CDCA3: variants seen among roughly 807,000 people sequenced by gnomAD.
CDCA3 encodes cell division cycle associated 3.
CDCA3 carries 16 observed loss-of-function variants against 29.1 expected under a neutral mutation model. The ratio of observed to expected loss-of-function variants is 0.55; its 90% CI spans 0.37 to 0.83. The LOEUF (loss-of-function observed/expected upper bound fraction) is 0.83, where lower values mean the gene tolerates loss of function less well. CDCA3 is among the 40% of genes least tolerant of loss of function. CDCA3 has a pLI of 0.00. For missense variants in CDCA3, 291 were observed against 327.2 expected (o/e 0.89, Z 0.85); for synonymous variants, 88 against 124.5 (o/e 0.71, Z 1.95).
At chr12:6,846,877 C>T (rs1943715851), downstream of CDCA3, 8 of 1,591,158 alleles carry the variant, frequency 5.0e-6, no homozygotes, top group Non-Finnish European at 6.0e-6. Flanking sequence ...CCTGGGACAG[C>T]TTCCTCAAAA....
downstream of CDCA3, chr12:6,844,863 C>G (rs1458562889): frequency 6.6e-6 from 1 of 152,214 alleles, no homozygotes; most frequent in African/African-American, 2.4e-5. Context: ...TTCTTTACCC[C>G]TTAAGTACTT....
Position 6,850,004 on chromosome 12 carries a change from A to AT in CDCA3, c.251-147dup, listed in dbSNP as rs370710900. On this transcript the variant is annotated intron_variant, in intron 3 of 5. Coordinates refer to ENST00000538862, the MANE Select transcript of CDCA3 (RefSeq NM_031299.7). The surrounding 1 kb of genome is among the most constrained non-coding windows in gnomAD (Gnocchi z 4.7). Reference sequence around the variant, plus strand: ...AAGGAAATCAAGGTGAAAGGGAGCAATTTTTTTTTTTTTTGAGATGGGGCT... The same window carrying AT: ...AAGGAAATCAAGGTGAAAGGGAGCAATTTTTTTTTTTTTTTGAGATGGGGCT... 0.082 allele frequency: 41,911 copies of AT among 509,056 alleles called. 8 individuals are homozygous for AT. The highest frequency in any genetic ancestry group is 0.11 in the East Asian group (2,654 of 25,172). 31.5% of individuals were successfully genotyped at this position (509,056 alleles called of 1,614,324 possible). A position where few individuals can be genotyped will look rare whatever the true frequency, so the allele number is the denominator to read the frequency against.
At position 6,849,421 on chromosome 12, in the gene CDCA3, G is replaced by T. The variant is rs199554560; in HGVS notation, c.553C>A (p.Arg185Ser). The T allele has an allele frequency of 6.3e-7, 1 of 1,590,714 alleles. No homozygotes were observed. Among genetic ancestry groups the T allele is most frequent in the Non-Finnish European group, 8.6e-7 (1 of 1,168,264 alleles). Residue 185 changes from arginine to serine, a missense_variant, in exon 5 of 6, where the codon CGC becomes AGC. By Grantham distance (110) the Arg-to-Ser change is moderately radical. Transcript: ENST00000538862. The surrounding 1 kb of genome is among the most constrained non-coding windows in gnomAD (Gnocchi z 5.2). ...PETPRSSGSM[R>S]NRWKPNSSKV... ...CTGCTGTTTGGTTTCCATCTATTGCGCATAGAACCTGGGGTGGGTAAGGCG... is the reference window on the plus strand; with the variant it reads ...CTGCTGTTTGGTTTCCATCTATTGCTCATAGAACCTGGGGTGGGTAAGGCG...
At position 6,851,027 on chromosome 12, in the gene CDCA3, G is replaced by A. The variant is rs2138011878; in HGVS notation, c.-57-18C>T. On this transcript the variant is annotated intron_variant, in intron 1 of 5. Transcript: ENST00000538862. ...GGGAATGCCTGTGAGAAGTGACTCA[G>A]GTCTCAGCCCTTATCTCTTCCACGT... The A allele has an allele frequency of 1.3e-6, 2 of 1,534,284 alleles. No homozygotes were observed. Among genetic ancestry groups the A allele is most frequent in the South Asian group, 1.2e-5 (1 of 80,962 alleles).
Position 6,850,344 on chromosome 12 carries a change from G to T in CDCA3, c.250+123C>A. The T allele has an allele frequency of 1.6e-6, 2 of 1,261,530 alleles. No individual in the cohort carries two copies. The highest frequency in any genetic ancestry group is 2.2e-6 in the Non-Finnish European group (2 of 892,104). 78.1% of individuals were successfully genotyped at this position (1,261,530 alleles called of 1,614,324 possible). On this transcript the variant is annotated intron_variant, in intron 3 of 5. Transcript: ENST00000538862. The surrounding 1 kb of genome is among the most constrained non-coding windows in gnomAD (Gnocchi z 4.7). ...GGGAACAAAATATTGAGATAAGAGT[G>T]AGATGGGTCCGAAGCAGGAGGATAG...
At chr12:6,845,572 A>C (rs1591592105), downstream of CDCA3, 1 of 1,590,776 alleles carries the variant, frequency 6.3e-7, no homozygotes, top group Non-Finnish European at 8.6e-7. Context: ...CCCACTTGCC[A>C]CCCGTGCCCT....
At chr12:6,845,499 G>A, downstream of CDCA3, 1 of 866,520 alleles carries the variant, frequency 1.2e-6, no homozygotes, top group Non-Finnish European at 1.9e-6. Context: ...GGCTTGCCCT[G>A]GAGCTGTCAG....
At chr12:6,845,921 A>T, downstream of CDCA3, 1 of 707,486 alleles carries the variant, frequency 1.4e-6, no homozygotes, top group Non-Finnish European at 2.5e-6. Context: ...GTCCCTTGTC[A>T]CTGGGTGACT....
At position 6,850,281 on chromosome 12, in the gene CDCA3, G is replaced by C; in HGVS notation, c.250+186C>G. 4.0e-6 allele frequency: 3 copies of C among 748,864 alleles called. No individual in the cohort carries two copies. Among genetic ancestry groups the C allele is most frequent in the East Asian group, 2.7e-5 (1 of 36,716 alleles). 46.4% of individuals were successfully genotyped at this position (748,864 alleles called of 1,614,324 possible). On this transcript the variant is annotated intron_variant, in intron 3 of 5. Transcript: ENST00000538862. This position sits in a 1 kb window ranked among gnomAD's most constrained non-coding sequence, Gnocchi z 4.7. ...GATCTGACCACCCCGGCCTTCCAAC[G>C]TGCTGGGATTACAGGCATGAGCCAC... is the stretch of plus-strand genomic sequence containing the variant.
At position 6,850,004 on chromosome 12, in the gene CDCA3, ATTTT is replaced by A; in HGVS notation, c.251-150_251-147del. 1.9e-6 allele frequency: 1 copy of A among 529,046 alleles called. No individual in the cohort carries two copies. Among genetic ancestry groups the A allele is most frequent in the Non-Finnish European group, 3.0e-6 (1 of 331,846 alleles). 32.8% of individuals were successfully genotyped at this position (529,046 alleles called of 1,614,324 possible). ...AAGGAAATCAAGGTGAAAGGGAGCA[ATTTT>A]TTTTTTTTTTGAGATGGGGCTTGCT... On this transcript the variant is annotated intron_variant, in intron 3 of 5. Coordinates refer to ENST00000538862, the MANE Select transcript of CDCA3 (RefSeq NM_031299.7). The surrounding 1 kb of genome is among the most constrained non-coding windows in gnomAD (Gnocchi z 4.7).
In CDCA3 at chr12:6,851,000, G is replaced by A. The variant is rs142003968; in HGVS notation, c.-48C>T. ...GGGGCAAGGGCCAGCCCGGGACGAG[G>A]AGGGAATGCCTGTGAGAAGTGACTC... On this transcript the variant is annotated 5_prime_UTR_variant, in exon 2 of 6. Transcript: ENST00000538862. This position sits in a 1 kb window ranked among gnomAD's most constrained non-coding sequence, Gnocchi z 4.7. The A allele has an allele frequency of 4.0e-4, 634 of 1,581,006 alleles. No homozygotes were observed. Among genetic ancestry groups the A allele is most frequent in the Admixed American group, 1.5e-3 (85 of 57,134 alleles).
downstream of CDCA3, chr12:6,847,117 CCA>C: frequency 1.8e-6 from 1 of 543,112 alleles, no homozygotes; most frequent in Non-Finnish European, 3.3e-6. Context: ...CCTTCCCTCC[CCA>C]CAGTCCTCAC....
Position 6,850,306 on chromosome 12 carries a change from C to T in CDCA3, c.250+161G>A. The stretch of plus-strand genomic sequence containing the variant: ...GTGCTGGGATTACAGGCATGAGCCA[C>T]CGCACCCAGGCTGGGAACAAAATAT... On this transcript the variant is annotated intron_variant, in intron 3 of 5. Transcript: ENST00000538862. The surrounding 1 kb of genome is among the most constrained non-coding windows in gnomAD (Gnocchi z 4.7). 2.0e-6 allele frequency: 2 copies of T among 988,972 alleles called. No individual in the cohort carries two copies. The highest frequency in any genetic ancestry group is 3.0e-6 in the Non-Finnish European group (2 of 666,462). 61.3% of individuals were successfully genotyped at this position (988,972 alleles called of 1,614,324 possible).
Position 6,849,288 on chromosome 12 carries a change from A to G in CDCA3, c.651+35T>C. ...GGGTCTCCCACCCTCTACGTTGGAT[A>G]TCCTAGTAACAGCTTGCACTTTCTC... On this transcript the variant is annotated intron_variant, in intron 5 of 5. Coordinates refer to ENST00000538862, the MANE Select transcript of CDCA3 (RefSeq NM_031299.7). The surrounding 1 kb of genome is among the most constrained non-coding windows in gnomAD (Gnocchi z 5.2). The G allele has an allele frequency of 3.1e-6, 5 of 1,595,212 alleles. No homozygotes were observed. Among genetic ancestry groups the G allele is most frequent in the Non-Finnish European group, 3.4e-6 (4 of 1,168,656 alleles).
chr12:6,845,811 C>T, downstream of CDCA3: 1 of 1,596,886 alleles, frequency 6.3e-7, no homozygotes, highest in South Asian at 1.1e-5. Context: ...GGGTAAGGGC[C>T]AGCCCTGGCT....
Position 6,850,682 on chromosome 12 carries a change from C to T in CDCA3, c.121-86G>A, listed in dbSNP as rs368270613. 1 of 1,599,578 alleles carries T rather than the reference C, an allele frequency of 6.3e-7. No homozygotes were observed. The highest frequency in any genetic ancestry group is 2.2e-5 in the East Asian group (1 of 44,710). On this transcript the variant is annotated intron_variant, in intron 2 of 5. Coordinates refer to ENST00000538862, the MANE Select transcript of CDCA3 (RefSeq NM_031299.7). The surrounding 1 kb of genome is among the most constrained non-coding windows in gnomAD (Gnocchi z 4.7). ...TATTCCAGGAAGGAATTGCCAAGGC[C>T]CTCAGATATCCAGCCTACCCCACAC...
At chr12:6,846,310 G>T (rs1352995409), downstream of CDCA3, 2 of 168,358 alleles carry the variant, frequency 1.2e-5, no homozygotes, top group East Asian at 3.3e-4. Context: ...TAATTCTGTT[G>T]CTCACTTTCT....
Position 6,848,983 on chromosome 12 carries a change from G to A in CDCA3, c.*60C>T. On this transcript the variant is annotated 3_prime_UTR_variant, in exon 6 of 6. Coordinates refer to ENST00000538862, the MANE Select transcript of CDCA3 (RefSeq NM_031299.7). Reference sequence around the variant, plus strand: ...CCTCAGTATCCCTGGGAAAGAAGGGGTGAGAGGACACAGATATCACCAGGC... The same window carrying A: ...CCTCAGTATCCCTGGGAAAGAAGGGATGAGAGGACACAGATATCACCAGGC... 1 of 746,982 alleles carries A rather than the reference G, an allele frequency of 1.3e-6. No homozygotes were observed. The allele number at this position is 746,982 out of a possible 1,614,324, so 46.3% of individuals were successfully genotyped here.
chr12:6,845,807 G>C, downstream of CDCA3: 1 of 1,604,214 alleles, frequency 6.2e-7, no homozygotes, highest in Non-Finnish European at 8.5e-7. Flanking sequence ...GTGTGGGTAA[G>C]GGCCAGCCCT....
Sources: allele counts gnomAD v4.1 joint callset, GRCh38; gene constraint gnomAD v4.1.1; non-coding constraint Gnocchi (gnomAD v3.1); transcripts MANE v1.5; gene names NCBI Gene and HGNC (gene_info 2026-07-23, HGNC 2026-07-21).